The following DNAJC1 variants were observed in gnomAD, a reference collection of about 807,000 sequenced individuals.
The protein encoded by DNAJC1 is DnaJ heat shock protein family (Hsp40) member C1.
A neutral mutation model predicts 76.6 loss-of-function variants in DNAJC1; 58 were observed. The observed-to-expected ratio is 0.76, with a 90% CI of 0.61 to 0.94. DNAJC1 has a LOEUF of 0.94. Among genes scored for constraint, DNAJC1 ranks in the 40% least tolerant of loss-of-function variants. The probability of loss-of-function intolerance (pLI) is 0.00; values close to 1 mark genes in which losing one functional copy is unlikely to be tolerated. For synonymous variants in DNAJC1, 258 were observed against 267.9 expected (o/e 0.96, Z 0.36); for missense variants, 689 against 677.3 (o/e 1.02, Z -0.19).
rs184694834 is a variant in DNAJC1, at chr10:21,969,543, G to A, written c.222+33670C>T. The stretch of plus-strand genomic sequence containing the variant: ...CGGACTCTGAGTGTAAAGAATGTTA[G>A]CAATTCCTTAGCCAGTTGATTTCAC... On this transcript the variant is annotated intron_variant, in intron 1 of 11. Coordinates refer to ENST00000376980, the MANE Select transcript of DNAJC1 (RefSeq NM_022365.4). 2.0e-5 allele frequency among the ~76,000 whole-genome samples: 3 copies of A among 152,206 alleles called. No individual in the cohort carries two copies. In the East Asian group the frequency reaches 5.8e-4, roughly 29 times the overall value.
chr10:21,910,641 A>T (rs1241323855), intron 6 of DNAJC1, among the ~76,000 whole-genome samples: 1 of 151,994 alleles, frequency 6.6e-6, no homozygotes, highest in Admixed American at 6.6e-5. Flanking sequence ...AAGGGGAATA[A>T]CACACATCAG....
intron 1 of DNAJC1, among the ~76,000 whole-genome samples, chr10:21,994,418 T>C (rs1227526822): frequency 1.3e-5 from 2 of 152,224 alleles, no homozygotes; most frequent in Admixed American, 1.3e-4. Context: ...ACTCATTGAT[T>C]GTGTAAAACT....
intron 1 of DNAJC1, among the ~76,000 whole-genome samples, chr10:21,942,589 G>A (rs1199986839): frequency 3.3e-5 from 5 of 152,040 alleles, no homozygotes; most frequent in South Asian, 2.1e-4. Flanking sequence ...GGCAGATCAC[G>A]AGGTAAGGAG....
chr10:21,837,865 G>A (rs1835493916), intron 8 of DNAJC1, among the ~76,000 whole-genome samples: 1 of 148,612 alleles, frequency 6.7e-6, no homozygotes, highest in Non-Finnish European at 1.5e-5. Context: ...CCGTCCGGGA[G>A]GGAGGTGGGG....
intron 1 of DNAJC1, among the ~76,000 whole-genome samples, chr10:21,938,887 G>A (rs942474830): frequency 6.6e-6 from 1 of 151,898 alleles, no homozygotes; most frequent in African/African-American, 2.4e-5. Flanking sequence ...TTTTTGGTTT[G>A]TTTTTTGTTT....
chr10:21,801,816 A>C (rs1385019013), intron 9 of DNAJC1, among the ~76,000 whole-genome samples: 1 of 152,200 alleles, frequency 6.6e-6, no homozygotes, highest in Non-Finnish European at 1.5e-5. Flanking sequence ...CACAAAAAAG[A>C]ATGAGCTCAT....
intron 7 of DNAJC1, among the ~76,000 whole-genome samples, chr10:21,897,163 C>T (rs1836556939): frequency 1.3e-5 from 2 of 152,202 alleles, no homozygotes; most frequent in East Asian, 1.9e-4. Context: ...AATTACAGAC[C>T]AGTATCTCTC....
At chr10:21,799,403 A>G (rs1382042291) in intron 9 of DNAJC1, among the ~76,000 whole-genome samples, 1 of 151,896 alleles carries the variant, frequency 6.6e-6, no homozygotes, top group Non-Finnish European at 1.5e-5. Context: ...GGCTCAAGTG[A>G]TCCTCCTGAC....
intron 1 of DNAJC1, among the ~76,000 whole-genome samples, chr10:21,983,092 T>C (rs761020560): frequency 1.3e-5 from 2 of 152,158 alleles, no homozygotes; most frequent in Non-Finnish European, 2.9e-5. Context: ...TACTATATGA[T>C]CCAGCAATTC....
At chr10:21,877,299 C>CAT (rs3032394) in intron 8 of DNAJC1, among the ~76,000 whole-genome samples, 22 of 149,720 alleles carry the variant, frequency 1.5e-4, no homozygotes, top group Non-Finnish European at 1.8e-4. Flanking sequence ...TATATATATA[C>CAT]ATATATATAT....
intron 7 of DNAJC1, among the ~76,000 whole-genome samples, chr10:21,903,095 T>A (rs1836684914): frequency 6.6e-6 from 1 of 152,066 alleles, no homozygotes; most frequent in Non-Finnish European, 1.5e-5. Context: ...CCTGGCTAAT[T>A]TTTGTATTTT....
At chr10:21,947,575 GTTAA>G (rs1181551956) in intron 1 of DNAJC1, among the ~76,000 whole-genome samples, 4 of 152,150 alleles carry the variant, frequency 2.6e-5, no homozygotes, top group Non-Finnish European at 5.9e-5. Context: ...CATATAACGT[GTTAA>G]TTGTTTATGT....
chr10:21,853,883 C>G (rs1835791782), intron 8 of DNAJC1, among the ~76,000 whole-genome samples: 1 of 147,044 alleles, frequency 6.8e-6, no homozygotes, highest in Non-Finnish European at 1.5e-5. Flanking sequence ...CAAAACTTAT[C>G]AAGTTAGCTC....
intron 8 of DNAJC1, among the ~76,000 whole-genome samples, chr10:21,860,167 G>GAAA (rs78083477): frequency 2.0e-4 from 16 of 80,864 alleles, no homozygotes; most frequent in Non-Finnish European, 3.7e-4. Context: ...ATGAAAAGGA[G>GAAA]AAAAAAAAAA....
chr10:21,792,706 C>T (rs1000010805), intron 9 of DNAJC1, among the ~76,000 whole-genome samples: 3 of 149,396 alleles, frequency 2.0e-5, no homozygotes, highest in Non-Finnish European at 3.0e-5. Context: ...TTGCAGTGAG[C>T]TGAGATCGTG....
intron 8 of DNAJC1, among the ~76,000 whole-genome samples, chr10:21,846,156 A>G (rs1034141579): frequency 1.3e-5 from 2 of 152,234 alleles, no homozygotes; most frequent in Non-Finnish European, 2.9e-5. Flanking sequence ...GTTATCTCAC[A>G]TAGTTGATGT....
In DNAJC1 at chr10:21,890,416, C is replaced by T. The variant is rs545389840; in HGVS notation, c.821-7977G>A. On this transcript the variant is annotated intron_variant, in intron 7 of 11. Coordinates refer to ENST00000376980, the MANE Select transcript of DNAJC1 (RefSeq NM_022365.4). The stretch of plus-strand genomic sequence containing the variant: ...CGAAACAGTGAGACTCCATATCCCC[C>T]CCTACAAAAAAAAAAAAAAAAAAAG... 2.4e-3 allele frequency among the ~76,000 whole-genome samples: 348 copies of T among 147,018 alleles called. 2 individuals are homozygous for T. The highest frequency in any genetic ancestry group is 0.017 in the Middle Eastern group (5 of 294).
intron 8 of DNAJC1, among the ~76,000 whole-genome samples, chr10:21,843,841 G>T (rs1835612219): frequency 6.6e-6 from 1 of 151,910 alleles, no homozygotes; most frequent in South Asian, 2.1e-4. Context: ...CTGGGTTCAT[G>T]CAATTCTTGT....
intron 8 of DNAJC1, among the ~76,000 whole-genome samples, chr10:21,834,286 AAG>A (rs1191730101): frequency 6.6e-6 from 1 of 152,062 alleles, no homozygotes; most frequent in Non-Finnish European, 1.5e-5. Flanking sequence ...GAAAGAAAGA[AAG>A]AGGGGCTCCC....
Sources: gnomAD v4.1 joint callset for allele counts (sites outside exome capture counted in the v4.1 genomes callset) on GRCh38, gnomAD v4.1.1 for gene constraint, MANE v1.5 for transcripts, NCBI Gene and HGNC (gene_info 2026-07-23, HGNC 2026-07-21) for gene names.